Variants in ZDBF2 observed in about 807,000 individuals in gnomAD.
ZDBF2 encodes DBF4-type zinc finger-containing protein 2.
ZDBF2 carries 6 observed loss-of-function variants against 9.4 expected under a neutral mutation model. That is an observed-to-expected ratio of 0.64 (90% CI 0.35 to 1.27). The LOEUF (loss-of-function observed/expected upper bound fraction) is 1.27, where lower values mean the gene tolerates loss of function less well. Among genes scored for constraint, ZDBF2 ranks in the 50% most tolerant of loss-of-function variants. The pLI is 0.03. For missense variants in ZDBF2, 2,697 were observed against 2,766.8 expected, an observed-to-expected ratio of 0.97 and a Z score of 0.57; for synonymous variants, 905 against 946.3, an observed-to-expected ratio of 0.96 and a Z score of 0.80.
chr2:206,308,423 A>G lies in ZDBF2; in HGVS notation c.3895A>G (p.Lys1299Glu). Reference sequence around the variant, plus strand: ...TGAACCCCTTCAGTCCGTAACTAATAAAATTCCAGGGGCGAATAAAGAAAT... The same window carrying G: ...TGAACCCCTTCAGTCCGTAACTAATGAAATTCCAGGGGCGAATAAAGAAAT... ...SHEPLQSVTNKIPGANKEINL... is the reference protein window; with the variant it reads ...SHEPLQSVTNEIPGANKEINL... The change falls in exon 5 of 5, where the codon AAA becomes GAA. Residue 1299 changes from lysine (K) to glutamate (E), a missense_variant. Transcript: ENST00000374423. The G allele has an allele frequency of 6.2e-7, 1 of 1,613,390 alleles. No individual in the cohort carries two copies. The highest frequency in any genetic ancestry group is 8.5e-7 in the Non-Finnish European group (1 of 1,179,652).
Position 206,307,645 on chromosome 2 carries a change from T to C in ZDBF2, c.3117T>C (p.Ser1039=), listed in dbSNP as rs1285184030. 3.7e-6 allele frequency: 6 copies of C among 1,612,090 alleles called. No individual in the cohort carries two copies. In the Admixed American group the frequency reaches 5.0e-5, roughly 14 times the overall value. Residue 1039 remains serine (S), a synonymous_variant, in exon 5 of 5, where the codon TCT becomes TCC. Transcript: ENST00000374423. ...ACAAGAATGATAAATGTAGTGGTTC[T>C]GAAATAATTTTGGATTCTAATGTTC... ...LENKNDKCSG[S]EIILDSNVPP...
intron 4 of ZDBF2, among the ~76,000 whole-genome samples, chr2:206,300,327 C>G (rs980568965): frequency 6.6e-6 from 1 of 152,222 alleles, no homozygotes; most frequent in African/African-American, 2.4e-5. Context: ...ATTTCGTTGT[C>G]AGCATCTCCT....
At chr2:206,298,972 C>T (rs527679624) in intron 4 of ZDBF2, among the ~76,000 whole-genome samples, 62 of 152,040 alleles carry the variant, frequency 4.1e-4, no homozygotes, top group Non-Finnish European at 5.9e-4. Context: ...CCTCCATCTC[C>T]GAGGCTCAAG....
chr2:206,304,412 CAT>C (rs576486138), intron 4 of ZDBF2, among the ~76,000 whole-genome samples: 2 of 152,108 alleles, frequency 1.3e-5, no homozygotes, highest in Non-Finnish European at 2.9e-5. Flanking sequence ...AGTTAAGTAA[CAT>C]ATGTCAAACT....
chr2:206,281,931 GATAA>G, intron 3 of ZDBF2, 22 bp downstream of exon 3: 1 of 1,599,378 alleles, frequency 6.3e-7, no homozygotes, highest in Non-Finnish European at 8.5e-7. Flanking sequence ...CTATTAATAT[GATAA>G]TATCTCAAAG....
chr2:206,314,387 G>C lies in ZDBF2; in HGVS notation c.*2794G>C, dbSNP rs979378268. 1 of 149,622 alleles carries C rather than the reference G, an allele frequency of 6.7e-6. No homozygotes were observed. Among genetic ancestry groups the C allele is most frequent in the African/African-American group, 2.5e-5 (1 of 40,600 alleles). 9.3% of individuals were successfully genotyped at this position (149,622 alleles called of 1,614,324 possible). On this transcript the variant is annotated 3_prime_UTR_variant, in exon 5 of 5. Coordinates refer to ENST00000374423, the MANE Select transcript of ZDBF2 (RefSeq NM_020923.3). The stretch of plus-strand genomic sequence containing the variant: ...ATATTGCAGTGTAAAAGCTAAACTT[G>C]TTTTTGATGTTATCAAGATAAAATT...
At chr2:206,293,473 G>C (rs1024773100) in intron 3 of ZDBF2, among the ~76,000 whole-genome samples, 3 of 152,146 alleles carry the variant, frequency 2.0e-5, no homozygotes, top group Non-Finnish European at 2.9e-5. Flanking sequence ...AACAATGGAA[G>C]ATGATTAAGA....
Position 206,305,832 on chromosome 2 carries a change from G to A in ZDBF2, c.1304G>A (p.Arg435His), listed in dbSNP as rs769572660. Residue 435 changes from arginine to histidine, a missense_variant, in exon 5 of 5, where the codon CGT becomes CAT. This residue lies in a region of ZDBF2 where 910 missense variants were observed against 973.6 expected (regional missense o/e 0.93). Coordinates refer to ENST00000374423, the MANE Select transcript of ZDBF2 (RefSeq NM_020923.3). ...AKEVNLSKEV[R>H]TDVQYKNNKS... is the part of the protein sequence containing the mutation. ...GAAGTAAACCTTTCCAAGGAAGTAC[G>A]TACTGATGTACAGTATAAGAATAAT... 2.9e-5 allele frequency: 47 copies of A among 1,613,234 alleles called. No homozygotes were observed. The highest frequency in any genetic ancestry group is 1.0e-4 in the Admixed American group (6 of 59,934).
intron 2 of ZDBF2, 64 bp from the exon 3 acceptor site, chr2:206,281,737 A>T: frequency 1.1e-6 from 1 of 952,152 alleles, no homozygotes; most frequent in Non-Finnish European, 1.6e-6. Flanking sequence ...GCTAATTATC[A>T]TAGCCATTTT....
chr2:206,298,517 TTTTTG>T (rs1692322100), intron 4 of ZDBF2, among the ~76,000 whole-genome samples: 3 of 151,966 alleles, frequency 2.0e-5, no homozygotes, highest in African/African-American at 7.3e-5. Flanking sequence ...TTCCAGGTTT[TTTTTG>T]TTTTTGTTTT....
intron 3 of ZDBF2, among the ~76,000 whole-genome samples, chr2:206,290,676 T>C (rs568549301): frequency 1.3e-5 from 2 of 152,376 alleles, no homozygotes; most frequent in South Asian, 4.1e-4. Context: ...AGAGCTTCAA[T>C]AGATTTTTAA....
intron 1 of ZDBF2, among the ~76,000 whole-genome samples, chr2:206,277,798 C>T (rs1017534187): frequency 1.3e-5 from 2 of 150,328 alleles, no homozygotes; most frequent in Non-Finnish European, 3.0e-5. Context: ...CCCATTTGAT[C>T]TTAAACATAT....
chr2:206,300,951 A>G (rs1692470616), intron 4 of ZDBF2, among the ~76,000 whole-genome samples: 1 of 152,216 alleles, frequency 6.6e-6, no homozygotes. Context: ...CTAGAAGGCT[A>G]TACCAATTTA....
intron 3 of ZDBF2, among the ~76,000 whole-genome samples, chr2:206,289,616 G>A (rs1288663329): frequency 6.6e-6 from 1 of 152,188 alleles, no homozygotes; most frequent in Non-Finnish European, 1.5e-5. Flanking sequence ...TGCCAATGGA[G>A]CAAAACACGT....
At chr2:206,287,210 T>G (rs904605481) in intron 3 of ZDBF2, among the ~76,000 whole-genome samples, 2 of 152,222 alleles carry the variant, frequency 1.3e-5, no homozygotes, top group African/African-American at 2.4e-5. Flanking sequence ...AACTATTGTC[T>G]TTTTTGCTTG....
At chr2:206,302,808 GA>G (rs1372037102) in intron 4 of ZDBF2, among the ~76,000 whole-genome samples, 1 of 152,116 alleles carries the variant, frequency 6.6e-6, no homozygotes, top group Non-Finnish European at 1.5e-5. Flanking sequence ...AGGCTAAAAT[GA>G]AATTGCATAT....
chr2:206,284,232 T>C (rs1691483140), intron 3 of ZDBF2, among the ~76,000 whole-genome samples: 1 of 152,172 alleles, frequency 6.6e-6, no homozygotes, highest in Non-Finnish European at 1.5e-5. Context: ...TTAAAATTCA[T>C]GCGCATCAGA....
chr2:206,292,060 A>C, intron 3 of ZDBF2: 2 of 398,370 alleles, frequency 5.0e-6, no homozygotes, highest in Non-Finnish European at 8.9e-6. Context: ...AGGCAGAAGG[A>C]AAATGATTCC....
chr2:206,293,048 A>G (rs1480499510), intron 3 of ZDBF2, among the ~76,000 whole-genome samples: 1 of 152,158 alleles, frequency 6.6e-6, no homozygotes, highest in Non-Finnish European at 1.5e-5. Context: ...GATGTCCTCT[A>G]TCAGATACTA....
Sources: gnomAD v4.1 joint callset for allele counts (sites outside exome capture counted in the v4.1 genomes callset) on GRCh38, gnomAD v4.1.1 for gene constraint, gnomAD v4.1.1 regional missense constraint, MANE v1.5 for transcripts, NCBI Gene and HGNC (gene_info 2026-07-23, HGNC 2026-07-21) for gene names.